PDE1A: variants seen among roughly 807,000 people sequenced by gnomAD.
PDE1A encodes the protein dual specificity calcium/calmodulin-dependent 3',5'-cyclic nucleotide phosphodiesterase 1A.
Under a neutral mutation model 61.7 loss-of-function variants are expected in PDE1A, and 35 were observed. The ratio of observed to expected loss-of-function variants is 0.57; its 90% CI spans 0.43 to 0.75. PDE1A has a LOEUF of 0.75. PDE1A is among the 30% of genes least tolerant of loss of function. The pLI is 0.00. For missense variants in PDE1A, 597 were observed against 630.6 expected (o/e 0.95, Z 0.57); for synonymous variants, 232 against 213.2 (o/e 1.09, Z -0.77).
intron 2 of PDE1A, among the ~76,000 whole-genome samples, chr2:182,246,608 A>G (rs13016087): frequency 0.25 from 37,680 of 151,594 alleles, 4,953 homozygotes; most frequent in Middle Eastern, 0.37. Flanking sequence ...GGGTTTCGCC[A>G]TGTTGGCCAG....
At chr2:182,461,651 A>G (rs1313034296) in intron 2 of PDE1A, among the ~76,000 whole-genome samples, 2 of 152,164 alleles carry the variant, frequency 1.3e-5, no homozygotes, top group African/African-American at 4.8e-5. Flanking sequence ...AAGTGACAGA[A>G]ATAGACCTCA....
intron 1 of PDE1A, among the ~76,000 whole-genome samples, chr2:182,340,754 T>C (rs148460694): frequency 7.2e-4 from 109 of 152,336 alleles, no homozygotes; most frequent in African/African-American, 2.6e-3. Context: ...AATAATTTAA[T>C]GATGATGAAT....
the PDE1A span, among the ~76,000 whole-genome samples, chr2:182,538,744 T>C: frequency 1.3e-5 from 2 of 152,194 alleles, 1 homozygote; most frequent in East Asian, 3.8e-4. Context: ...CCATGACATT[T>C]GTTAAAATTG....
chr2:182,455,270 T>A (rs898901813), intron 2 of PDE1A, among the ~76,000 whole-genome samples: 21 of 151,790 alleles, frequency 1.4e-4, no homozygotes, highest in Middle Eastern at 3.4e-3. Flanking sequence ...GGTGCTGGAG[T>A]GGATGTGGAG....
the PDE1A span, among the ~76,000 whole-genome samples, chr2:182,610,673 AAGAG>A: frequency 1.3e-5 from 2 of 152,196 alleles, no homozygotes; most frequent in Non-Finnish European, 2.9e-5. Flanking sequence ...AAAAACAAAA[AAGAG>A]AATAAAAAGT....
At chr2:182,211,767 A>T (rs1430339804) in intron 7 of PDE1A, among the ~76,000 whole-genome samples, 1 of 152,184 alleles carries the variant, frequency 6.6e-6, no homozygotes, top group Non-Finnish European at 1.5e-5. Flanking sequence ...TGCTAATGCA[A>T]ATGATATTTG....
chr2:182,228,592 C>T (rs1574080279), intron 6 of PDE1A, among the ~76,000 whole-genome samples: 1 of 152,252 alleles, frequency 6.6e-6, no homozygotes, highest in Admixed American at 6.5e-5. Flanking sequence ...TCACCTATCA[C>T]TACTTTTTAA....
chr2:182,259,687 G>A (rs1250250784), intron 2 of PDE1A, among the ~76,000 whole-genome samples: 2 of 152,132 alleles, frequency 1.3e-5, no homozygotes, highest in Non-Finnish European at 2.9e-5. Flanking sequence ...GCTAATCATC[G>A]AAATTATGAG....
At chr2:182,512,567 T>C (rs1689872016) in intron 2 of PDE1A, among the ~76,000 whole-genome samples, 1 of 152,172 alleles carries the variant, frequency 6.6e-6, no homozygotes, top group South Asian at 2.1e-4. Flanking sequence ...CAAATGACCA[T>C]AACAGCTACC....
At chr2:182,473,937 T>C (rs960314651) in intron 2 of PDE1A, among the ~76,000 whole-genome samples, 1 of 152,026 alleles carries the variant, frequency 6.6e-6, no homozygotes, top group Admixed American at 6.6e-5. Flanking sequence ...CGAAAAGTGC[T>C]ACAGTGAACA....
the PDE1A span, among the ~76,000 whole-genome samples, chr2:182,645,417 C>G: frequency 6.6e-6 from 1 of 152,178 alleles, no homozygotes; most frequent in Non-Finnish European, 1.5e-5. Flanking sequence ...CACTGGCAAT[C>G]TATCTTTTTT....
At chr2:182,484,799 T>C (rs1046608287) in intron 2 of PDE1A, among the ~76,000 whole-genome samples, 10 of 150,922 alleles carry the variant, frequency 6.6e-5, no homozygotes, top group African/African-American at 2.4e-4. Flanking sequence ...AGAATGCAAA[T>C]AAAAACCGCA....
At chr2:182,327,403 CA>C (rs2124906140) in intron 1 of PDE1A, among the ~76,000 whole-genome samples, 1 of 152,250 alleles carries the variant, frequency 6.6e-6, no homozygotes, top group Admixed American at 6.5e-5. Flanking sequence ...TTAAATCCCT[CA>C]AATAGGAATA....
exon 15 of PDE1A, chr2:182,141,006 C>T (rs1465407499): frequency 1.4e-5 from 2 of 147,078 alleles, no homozygotes; most frequent in Non-Finnish European, 3.0e-5. Context: ...CTTTATAAGT[C>T]GCATAACCTG....
At chr2:182,488,187 A>C (rs1688143232) in intron 2 of PDE1A, among the ~76,000 whole-genome samples, 1 of 152,192 alleles carries the variant, frequency 6.6e-6, no homozygotes. Flanking sequence ...AATAAATCAG[A>C]AAGTTATAAC....
the PDE1A span, among the ~76,000 whole-genome samples, chr2:182,588,764 C>T: frequency 7.2e-5 from 11 of 152,078 alleles, no homozygotes; most frequent in Non-Finnish European, 1.6e-4. Flanking sequence ...TAATTTTTAG[C>T]CGGGCGCTAT....
upstream of PDE1A, among the ~76,000 whole-genome samples, chr2:182,428,440 A>G (rs1052461565): frequency 6.6e-6 from 1 of 152,072 alleles, no homozygotes; most frequent in African/African-American, 2.4e-5. Context: ...AAATAAAAAG[A>G]TGATTTTATA....
At chr2:182,688,247 T>C in the PDE1A span, among the ~76,000 whole-genome samples, 1 of 151,846 alleles carries the variant, frequency 6.6e-6, no homozygotes, top group Non-Finnish European at 1.5e-5. Context: ...AAAGTTGAAA[T>C]GAAGGAAAAA....
the PDE1A span, among the ~76,000 whole-genome samples, chr2:182,581,231 C>A: frequency 9.0e-3 from 1,373 of 152,284 alleles, 19 homozygotes; most frequent in African/African-American, 0.031. Flanking sequence ...ATCCTATCTT[C>A]CCCAAAGACC....
Sources: gnomAD v4.1 joint callset for allele counts (sites outside exome capture counted in the v4.1 genomes callset) on GRCh38, gnomAD v4.1.1 for gene constraint, MANE v1.5 for transcripts, NCBI Gene and HGNC (gene_info 2026-07-23, HGNC 2026-07-21) for gene names.